ZMYM6: variants seen among roughly 807,000 people sequenced by gnomAD.
ZMYM6 encodes the protein zinc finger MYM-type protein 6.
In ZMYM6, 90 loss-of-function variants were observed where a neutral mutation model predicts 134.0. That is an observed-to-expected ratio of 0.67 (90% CI 0.57 to 0.80). The LOEUF (loss-of-function observed/expected upper bound fraction) is 0.80, where lower values mean the gene tolerates loss of function less well. ZMYM6 is among the 30% of genes least tolerant of loss of function. The pLI is 0.00. For missense variants in ZMYM6, 1,362 were observed against 1,533.9 expected, an observed-to-expected ratio of 0.89 and a Z score of 1.87; for synonymous variants, 481 against 524.1, an observed-to-expected ratio of 0.92 and a Z score of 1.12.
rs541109275 is a variant in ZMYM6 at position 35,031,845 on chromosome 1, A to T, written c.-105T>A. 1 of 152,586 alleles carries T rather than the reference A, an allele frequency of 6.6e-6. No homozygotes were observed. The highest frequency in any genetic ancestry group is 1.9e-4 in the East Asian group (1 of 5,194). 9.5% of individuals were successfully genotyped at this position (152,586 alleles called of 1,614,324 possible). A position where few individuals can be genotyped will look rare whatever the true frequency, so the allele number is the denominator to read the frequency against. ...GTCGCCTCCCTGCTACCGGAGGAGC[A>T]CTGGAATAGGAACCAAGTCCTCTGC... On this transcript the variant is annotated 5_prime_UTR_variant, in exon 1 of 16. Coordinates refer to ENST00000357182, the MANE Select transcript of ZMYM6 (RefSeq NM_007167.4).
In ZMYM6 at chr1:35,014,973, T is replaced by C; in HGVS notation, c.603+15A>G. 1 of 1,609,728 alleles carries C rather than the reference T, an allele frequency of 6.2e-7. No homozygotes were observed. Among genetic ancestry groups the C allele is most frequent in the Non-Finnish European group, 8.5e-7 (1 of 1,179,064 alleles). On this transcript the variant is annotated intron_variant, in intron 5 of 15. Transcript: ENST00000357182. ...TCTTTCAGCAGAATCCCAATAAAAG[T>C]AAAATGTAACTTACATCAGCATTCT...
At chr1:34,994,929 T>C (rs201857152) in intron 14 of ZMYM6, among the ~76,000 whole-genome samples, 1 of 98,272 alleles carries the variant, frequency 1.0e-5, no homozygotes, top group Non-Finnish European at 1.6e-5. Flanking sequence ...TATATAGACA[T>C]ATATATATAT....
chr1:35,027,409 A>C (rs1641433755), intron 2 of ZMYM6, among the ~76,000 whole-genome samples: 1 of 152,222 alleles, frequency 6.6e-6, no homozygotes. Flanking sequence ...TATGTGACTG[A>C]AGGAAGGAGA....
chr1:35,014,230 C>T (rs1005153357), intron 6 of ZMYM6, among the ~76,000 whole-genome samples: 8 of 152,228 alleles, frequency 5.3e-5, no homozygotes, highest in Admixed American at 5.2e-4. Flanking sequence ...TTAACTCTTG[C>T]TTATGGTTTA....
At chr1:35,023,295 C>A (rs1641345690) in intron 2 of ZMYM6, among the ~76,000 whole-genome samples, 1 of 151,906 alleles carries the variant, frequency 6.6e-6, no homozygotes, top group African/African-American at 2.4e-5. Context: ...TTAGTAGAGA[C>A]GGGGTTTCTC....
At chr1:34,995,638 T>C (rs928329919) in intron 14 of ZMYM6, among the ~76,000 whole-genome samples, 1 of 152,144 alleles carries the variant, frequency 6.6e-6, no homozygotes, top group Non-Finnish European at 1.5e-5. Flanking sequence ...ACAGTGTGGA[T>C]ATGCTAGACA....
Position 35,020,471 on chromosome 1 carries a change from T to TAAA in ZMYM6, c.94-7_94-5dup. The TAAA allele has an allele frequency of 3.2e-6, 4 of 1,247,758 alleles. No individual in the cohort carries two copies. Among genetic ancestry groups the TAAA allele is most frequent in the South Asian group, 3.0e-5 (2 of 67,418 alleles). 77.3% of individuals were successfully genotyped at this position (1,247,758 alleles called of 1,614,324 possible). A position where few individuals can be genotyped will look rare whatever the true frequency, so the allele number is the denominator to read the frequency against. ...GCTGTTGGACACATCCATACTCCTT[T>TAAA]AAAAAAAAAAAGAAAAGAGAAAAGA... On this transcript the variant is annotated splice_region_variant and splice_polypyrimidine_tract_variant and intron_variant, in intron 2 of 15. Transcript: ENST00000357182.
chr1:35,012,029 A>G, intron 7 of ZMYM6, 24 bp from the exon 8 acceptor site: 1 of 1,463,782 alleles, frequency 6.8e-7, no homozygotes, highest in Non-Finnish European at 9.5e-7. Context: ...AATTAAAAAC[A>G]ATGATTAAGT....
chr1:34,997,906 C>A (rs1375524173), intron 14 of ZMYM6, among the ~76,000 whole-genome samples: 4 of 152,140 alleles, frequency 2.6e-5, no homozygotes, highest in African/African-American at 9.7e-5. Flanking sequence ...TCAGTTGTCA[C>A]AGCATTATTT....
In ZMYM6 at chr1:35,006,978, T is replaced by C. The variant is rs1357229354; in HGVS notation, c.1786A>G (p.Met596Val). ...CVLEFCHQQI[M>V]NDCLPQNKVN... Reference sequence around the variant, plus strand: ...TTATTTTGTGGAAGACAGTCATTCATAATTTGCTGATGACAAAACTCCAAG... The same window carrying C: ...TTATTTTGTGGAAGACAGTCATTCACAATTTGCTGATGACAAAACTCCAAG... The change falls in exon 12 of 16, where the codon ATG becomes GTG. Residue 596 changes from methionine to valine, a missense_variant. Physicochemically the swap from Met to Val is conservative, Grantham distance 21. Transcript: ENST00000357182. 1 of 1,609,858 alleles carries C rather than the reference T, an allele frequency of 6.2e-7. No individual in the cohort carries two copies. The highest frequency in any genetic ancestry group is 2.2e-5 in the East Asian group (1 of 44,814).
chr1:35,012,308 G>T, intron 7 of ZMYM6, 123 bp downstream of exon 7: 1 of 937,876 alleles, frequency 1.1e-6, no homozygotes, highest in Non-Finnish European at 1.5e-6. Flanking sequence ...TTATTTAAAA[G>T]TCAGTCTTGG....
chr1:35,003,996 G>C lies in ZMYM6; in HGVS notation c.1964C>G (p.Thr655Ser). The change falls in exon 14 of 16, where the codon ACT (threonine) becomes AGT (serine). Residue 655 changes from threonine to serine, a missense_variant. By Grantham distance (58) the Thr-to-Ser change is moderately conservative. Coordinates refer to ENST00000357182, the MANE Select transcript of ZMYM6 (RefSeq NM_007167.4). Reference protein sequence around the residue: ...NTNSVLKGAVTKEAAKIIQDE... With the variant: ...NTNSVLKGAVSKEAAKIIQDE... ...TTGAATGATCTTTGCTGCCTCTTTA[G>C]TAACTGCACCTGTTGTAAATTAAAA... 1 of 1,611,380 alleles carries C rather than the reference G, an allele frequency of 6.2e-7. No homozygotes were observed. Among genetic ancestry groups the C allele is most frequent in the Non-Finnish European group, 8.5e-7 (1 of 1,177,980 alleles).
chr1:34,993,643 G>T (rs1451664275), intron 14 of ZMYM6, among the ~76,000 whole-genome samples: 1 of 152,002 alleles, frequency 6.6e-6, no homozygotes, highest in Non-Finnish European at 1.5e-5. Flanking sequence ...TCTTTGGGGG[G>T]CTACTATTCT....
rs1176900468 is a variant in ZMYM6 at position 35,013,686 on chromosome 1, TTTTTTTTG to T, written c.795+1003_795+1010del. On this transcript the variant is annotated intron_variant, in intron 6 of 15. Transcript: ENST00000357182. ...CATTTACAAGATACATCTTTGTTTTTTTTTTTTGTTTGTTTGTTTGTTTTTGAGACAGT... is the reference window on the plus strand; with the variant it reads ...CATTTACAAGATACATCTTTGTTTTTTTTGTTTGTTTGTTTTTGAGACAGT... 6.2e-6 allele frequency: 6 copies of T among 974,490 alleles called. No individual in the cohort carries two copies. In the African/African-American group the frequency reaches 9.1e-5, roughly 15 times the overall value. The allele number at this position is 974,490 out of a possible 1,614,324, so 60.4% of individuals were successfully genotyped here.
chr1:35,030,493 C>A, intron 2 of ZMYM6, 54 bp downstream of exon 2: 1 of 1,543,578 alleles, frequency 6.5e-7, no homozygotes, highest in South Asian at 1.2e-5. Context: ...TTCAGTTGAC[C>A]AGATGGAAAA....
chr1:34,995,128 CATAT>C (rs1350939665), intron 14 of ZMYM6, among the ~76,000 whole-genome samples: 1 of 141,492 alleles, frequency 7.1e-6, no homozygotes, highest in Non-Finnish European at 1.5e-5. Flanking sequence ...TATACATATA[CATAT>C]ATACACACAC....
At position 35,019,371 on chromosome 1, in the gene ZMYM6, G is replaced by T; in HGVS notation, c.410C>A (p.Thr137Asn). 1.9e-6 allele frequency: 3 copies of T among 1,614,196 alleles called. No homozygotes were observed. The highest frequency in any genetic ancestry group is 2.5e-6 in the Non-Finnish European group (3 of 1,180,032). Residue 137 changes from threonine to asparagine, a missense_variant, in exon 4 of 16, where the codon ACC becomes AAC. Physicochemically the swap from Thr to Asn is moderately conservative, Grantham distance 65 (BLOSUM62 0). Coordinates refer to ENST00000357182, the MANE Select transcript of ZMYM6 (RefSeq NM_007167.4). ...TTTATACTTCGAGCAGTTTGTGCAG[G>T]TTTTCTTGGGAGGAGGTGGCAGGCA... ...PACLPPPPKK[T>N]CTNCSKDILN...
chr1:35,019,216 G>T, intron 4 of ZMYM6, 137 bp downstream of exon 4: 1 of 1,289,810 alleles, frequency 7.8e-7, no homozygotes, highest in Non-Finnish European at 1.1e-6. Context: ...TAAAATTGGT[G>T]AATTCTTCCA....
At position 35,010,989 on chromosome 1, in the gene ZMYM6, CA is replaced by C. The variant is rs1641074597; in HGVS notation, c.1109del (p.Leu370ArgfsTer8). ...PKGTNSSAVP[L>X]SQGQVVVSPP... ...GGCTTACAACCACTTGGCCCTGAGA[CA>C]GGGGCACCGCCGAAGAGTTTGTTCC... On this transcript the variant is annotated frameshift_variant, in exon 9 of 16. Transcript: ENST00000357182. LOFTEE classifies it high-confidence loss of function. 1 of 1,613,968 alleles carries C rather than the reference CA, an allele frequency of 6.2e-7. No individual in the cohort carries two copies. Among genetic ancestry groups the C allele is most frequent in the Non-Finnish European group, 8.5e-7 (1 of 1,179,998 alleles).
Sources: gnomAD v4.1 joint callset for allele counts (sites outside exome capture counted in the v4.1 genomes callset) on GRCh38, gnomAD v4.1.1 for gene constraint, MANE v1.5 for transcripts, NCBI Gene and HGNC (gene_info 2026-07-23, HGNC 2026-07-21) for gene names.